FGF12: variants seen among roughly 807,000 people sequenced by gnomAD.
FGF12 encodes the protein fibroblast growth factor 12, also known as fibroblast growth factor 12B.
In FGF12, 14 loss-of-function variants were observed where a neutral mutation model predicts 23.6. The ratio of observed to expected loss-of-function variants is 0.59; its 90% CI spans 0.39 to 0.93. The LOEUF is 0.93. Among genes scored for constraint, FGF12 ranks in the 40% least tolerant of loss-of-function variants. The probability of loss-of-function intolerance (pLI) is 0.00; values close to 1 mark genes in which losing one functional copy is unlikely to be tolerated. For missense variants in FGF12, 175 were observed against 217.8 expected, an observed-to-expected ratio of 0.80 and a Z score of 1.24; for synonymous variants, 62 against 77.3, an observed-to-expected ratio of 0.80 and a Z score of 1.04.
At chr3:192,411,428 T>C (rs1416997835) in intron 2 of FGF12, among the ~76,000 whole-genome samples, 1 of 152,204 alleles carries the variant, frequency 6.6e-6, no homozygotes. Context: ...AGCAGTTCAA[T>C]GTGGCTGAAT....
intron 2 of FGF12, among the ~76,000 whole-genome samples, chr3:192,420,414 C>A (rs1487152791): frequency 6.6e-6 from 1 of 152,092 alleles, no homozygotes; most frequent in Non-Finnish European, 1.5e-5. Context: ...ATGTTAATCC[C>A]CTCCAACTCT....
intron 4 of FGF12, among the ~76,000 whole-genome samples, chr3:192,316,442 C>A (rs372804681): frequency 2.0e-5 from 3 of 152,150 alleles, no homozygotes; most frequent in African/African-American, 7.2e-5. Flanking sequence ...GGAGACAGAA[C>A]CTGTGTGTTT....
At chr3:192,274,481 AACGTGGTCAC>A (rs1713651039) in intron 4 of FGF12, among the ~76,000 whole-genome samples, 1 of 152,194 alleles carries the variant, frequency 6.6e-6, no homozygotes, top group Non-Finnish European at 1.5e-5. Flanking sequence ...TAAAAATAGG[AACGTGGTCAC>A]ACTGATGGCT....
intron 2 of FGF12, among the ~76,000 whole-genome samples, chr3:192,602,991 C>G (rs2108632867): frequency 6.6e-6 from 1 of 152,162 alleles, no homozygotes; most frequent in South Asian, 2.1e-4. Flanking sequence ...AACATCCCCT[C>G]ATGATAAAAA....
chr3:192,402,920 A>G (rs188309828), intron 2 of FGF12, among the ~76,000 whole-genome samples: 27 of 152,330 alleles, frequency 1.8e-4, no homozygotes, highest in Admixed American at 1.3e-3. Context: ...TTCCATGAGT[A>G]AGCCAGAAGA....
At chr3:192,495,821 C>T (rs1292229824) in intron 2 of FGF12, among the ~76,000 whole-genome samples, 1 of 151,952 alleles carries the variant, frequency 6.6e-6, no homozygotes, top group African/African-American at 2.4e-5. Flanking sequence ...TGTGCCACCA[C>T]CCCCAACTAA....
At chr3:192,595,718 G>T (rs1340534146) in intron 2 of FGF12, among the ~76,000 whole-genome samples, 1 of 152,170 alleles carries the variant, frequency 6.6e-6, no homozygotes, top group African/African-American at 2.4e-5. Context: ...TTTGAACTTG[G>T]TCTTGGTAGA....
intron 2 of FGF12, among the ~76,000 whole-genome samples, chr3:192,606,426 G>A (rs1714340147): frequency 6.6e-6 from 1 of 152,090 alleles, no homozygotes; most frequent in South Asian, 2.1e-4. Flanking sequence ...TGTGTATTAT[G>A]TTCAGTACTT....
chr3:192,574,123 G>A (rs1444399413), intron 2 of FGF12, among the ~76,000 whole-genome samples: 2 of 152,172 alleles, frequency 1.3e-5, no homozygotes, highest in Admixed American at 1.3e-4. Context: ...CAGGACTCTT[G>A]TATTTTACTG....
intron 2 of FGF12, among the ~76,000 whole-genome samples, chr3:192,433,298 C>T (rs1255742886): frequency 1.3e-5 from 2 of 152,176 alleles, no homozygotes; most frequent in Admixed American, 1.3e-4. Context: ...TGTCTTCTTT[C>T]ACCTCCTACA....
At chr3:192,221,452 G>C (rs1218142554) in intron 4 of FGF12, among the ~76,000 whole-genome samples, 1 of 152,104 alleles carries the variant, frequency 6.6e-6, no homozygotes, top group Admixed American at 6.6e-5. Flanking sequence ...TATTATACCT[G>C]TAAGCACCAT....
chr3:192,515,439 A>C (rs2108842699), intron 2 of FGF12: 1 of 152,622 alleles, frequency 6.6e-6, no homozygotes, highest in African/African-American at 2.4e-5. Context: ...AGGTGTGCGT[A>C]GGCGTGGACA....
At chr3:192,460,053 G>T (rs1010046502) in intron 2 of FGF12, among the ~76,000 whole-genome samples, 1 of 152,134 alleles carries the variant, frequency 6.6e-6, no homozygotes, top group Non-Finnish European at 1.5e-5. Flanking sequence ...ACGATATGGG[G>T]ATAATGCAAA....
intron 2 of FGF12, among the ~76,000 whole-genome samples, chr3:192,663,555 T>C (rs751273427): frequency 1.3e-5 from 2 of 152,162 alleles, no homozygotes; most frequent in Non-Finnish European, 2.9e-5. Flanking sequence ...CCCTTCCATG[T>C]CATCTCTCTG....
Position 192,360,366 on chromosome 3 carries a change from T to A in FGF12, c.124+62A>T. 1 of 1,158,696 alleles carries A rather than the reference T, an allele frequency of 8.6e-7. No individual in the cohort carries two copies. Among genetic ancestry groups the A allele is most frequent in the South Asian group, 1.2e-5 (1 of 81,312 alleles). The allele number at this position is 1,158,696 out of a possible 1,614,324, so 71.8% of individuals were successfully genotyped here. On this transcript the variant is annotated intron_variant, in intron 3 of 5. Transcript: ENST00000445105. The surrounding 1 kb of genome is among the most constrained non-coding windows in gnomAD (Gnocchi z 4.3). ...AGGCAGCTTAGCAATGCTTTAAGTA[T>A]AAGATACACTGGGCCCTACATTTGA...
chr3:192,147,529 C>T (rs1455558139), intron 5 of FGF12, among the ~76,000 whole-genome samples: 1 of 152,088 alleles, frequency 6.6e-6, no homozygotes, highest in Non-Finnish European at 1.5e-5. Context: ...AAAACGTAAA[C>T]GAAAATCACC....
chr3:192,265,066 G>A (rs1712994477), intron 4 of FGF12, among the ~76,000 whole-genome samples: 1 of 152,012 alleles, frequency 6.6e-6, no homozygotes, highest in Non-Finnish European at 1.5e-5. Flanking sequence ...AATCAAAAAG[G>A]GAACCATTGA....
intron 4 of FGF12, among the ~76,000 whole-genome samples, chr3:192,321,610 C>A (rs79905401): frequency 6.6e-6 from 1 of 151,080 alleles, no homozygotes; most frequent in Non-Finnish European, 1.5e-5. Context: ...ATTAAAAAAA[C>A]CATTCATCAT....
At position 192,210,020 on chromosome 3, in the gene FGF12, A is replaced by AC. The variant is rs570944918; in HGVS notation, c.229-39365_229-39364insG. On this transcript the variant is annotated intron_variant, in intron 4 of 5. Transcript: ENST00000445105. The stretch of plus-strand genomic sequence containing the variant: ...GCTTCTGTTTTTGCCATGGTGCAGT[A>AC]ACAGTGACTAGATTTAACTTCCCAC... Among the ~76,000 whole-genome samples the AC allele has an allele frequency of 1.1e-4, 16 of 152,354 alleles. 1 individual carries two copies. The South Asian group carries it at 3.3e-3, about 32-fold the overall frequency.
Sources: allele counts gnomAD v4.1 joint callset (sites outside exome capture counted in the v4.1 genomes callset), GRCh38; gene constraint gnomAD v4.1.1; non-coding constraint Gnocchi (gnomAD v3.1); transcripts MANE v1.5; gene names NCBI Gene and HGNC (gene_info 2026-07-23, HGNC 2026-07-21).